NELL2: variants seen among roughly 807,000 people sequenced by gnomAD.
NELL2 encodes protein kinase C-binding protein NELL2.
Under a neutral mutation model 109.6 loss-of-function variants are expected in NELL2, and 41 were observed. The ratio of observed to expected loss-of-function variants is 0.37; its 90% confidence interval spans 0.29 to 0.49. The LOEUF is 0.49. NELL2 is among the 20% of genes least tolerant of loss of function. The probability of loss-of-function intolerance (pLI) is 0.98; values close to 1 mark genes in which losing one functional copy is unlikely to be tolerated. For synonymous variants in NELL2, 355 were observed against 344.7 expected (o/e 1.03, Z -0.33); for missense variants, 900 against 1,008.3 (o/e 0.89, Z 1.45).
chr12:44,595,248 G>T (rs1215979057), intron 15 of NELL2, among the ~76,000 whole-genome samples: 1 of 152,070 alleles, frequency 6.6e-6, no homozygotes, highest in Admixed American at 6.5e-5. Flanking sequence ...ACAAAGTCAA[G>T]GTTTATTTTA....
At chr12:44,875,507 C>A in intron 1 of NELL2, 154 bp from the exon 2 acceptor site, 1 of 1,614,018 alleles carries the variant, frequency 6.2e-7, no homozygotes, top group Non-Finnish European at 8.5e-7. Flanking sequence ...AGAGCCTTAC[C>A]TGAGATCAGC....
chr12:44,684,479 T>C (rs865929796), intron 12 of NELL2, among the ~76,000 whole-genome samples: 6 of 152,204 alleles, frequency 3.9e-5, no homozygotes, highest in Non-Finnish European at 5.9e-5. Flanking sequence ...GTGTTTGCTC[T>C]TGCTTTTCTA....
chr12:44,691,345 C>T (rs895196538), intron 12 of NELL2, among the ~76,000 whole-genome samples: 15 of 152,208 alleles, frequency 9.9e-5, no homozygotes, highest in African/African-American at 2.6e-4. Flanking sequence ...TTTTACTATT[C>T]GAATTCTCCT....
Position 44,617,462 on chromosome 12 carries a change from C to T in NELL2, c.1445-6492G>A, listed in dbSNP as rs1041885656. On this transcript the variant is annotated intron_variant, in intron 13 of 19. Transcript: ENST00000429094. ...CAGCACTTTGGGAGGCCGAGGCGGG[C>T]GGATCACGAGGTCAGGAGATCGAGA... Among the ~76,000 whole-genome samples, 5 of 105,860 alleles carry T rather than the reference C, an allele frequency of 4.7e-5. 1 individual carries two copies. Among genetic ancestry groups the T allele is most frequent in the African/African-American group, 1.9e-4 (3 of 15,972 alleles). The allele number at this position is 105,860 out of a possible 152,430, so 69.4% of individuals were successfully genotyped here.
chr12:44,741,587 A>C (rs1022050676), intron 9 of NELL2, among the ~76,000 whole-genome samples: 2 of 152,192 alleles, frequency 1.3e-5, no homozygotes, highest in African/African-American at 4.8e-5. Flanking sequence ...CACCTGGAAA[A>C]TTGGGTCACT....
chr12:44,726,999 A>C (rs1487723130), intron 9 of NELL2, among the ~76,000 whole-genome samples: 1 of 152,114 alleles, frequency 6.6e-6, no homozygotes, highest in African/African-American at 2.4e-5. Flanking sequence ...AATGTTTGTC[A>C]AATCACCTGG....
chr12:44,604,406 A>G (rs1220629157), intron 15 of NELL2, among the ~76,000 whole-genome samples: 1 of 152,206 alleles, frequency 6.6e-6, no homozygotes, highest in Non-Finnish European at 1.5e-5. Flanking sequence ...CATATCTGCC[A>G]TATGATAGTA....
At chr12:44,557,371 G>C (rs1943294596) in intron 15 of NELL2, among the ~76,000 whole-genome samples, 1 of 152,164 alleles carries the variant, frequency 6.6e-6, no homozygotes, top group African/African-American at 2.4e-5. Flanking sequence ...TATCAGTTAA[G>C]GGTAGAGACG....
chr12:44,778,500 A>G (rs886275063), intron 5 of NELL2, among the ~76,000 whole-genome samples: 1 of 152,082 alleles, frequency 6.6e-6, no homozygotes, highest in Non-Finnish European at 1.5e-5. Flanking sequence ...AAAGAGAATG[A>G]CCCCCAGAGT....
chr12:44,854,506 A>C (rs1392552704), intron 2 of NELL2, among the ~76,000 whole-genome samples: 4 of 152,224 alleles, frequency 2.6e-5, no homozygotes, highest in Non-Finnish European at 4.4e-5. Context: ...GTTAACTAAA[A>C]GGAAGGACGA....
rs12230826 is a variant in NELL2, at chr12:44,919,360, C to A, written c.-32+2430G>T. 5.5e-3 allele frequency among the ~76,000 whole-genome samples: 836 copies of A among 151,920 alleles called. 29 individuals are homozygous for A. In the East Asian group the frequency reaches 0.11, roughly 21 times the overall value. On this transcript the variant is annotated intron_variant, in intron 1 of 9. Coordinates refer to the NELL2 transcript ENST00000552993. ...AAAATAATATTAATATAATGCAAAC[C>A]TACATAAATACCCAATAACCGTATG...
At chr12:44,886,084 TAAGGAAGGAAGGAAGGAAGGAAGGAAGG>T (rs60040149) in intron 1 of NELL2, among the ~76,000 whole-genome samples, 33 of 115,732 alleles carry the variant, frequency 2.9e-4, no homozygotes, top group Admixed American at 6.1e-4. Flanking sequence ...ATCCATATAG[TAAGGAAGGAAGGAAGGAAGGAAGGAAGG>T]AAGGAAGGAA....
At chr12:44,552,176 T>C (rs1211722314) in intron 15 of NELL2, among the ~76,000 whole-genome samples, 2 of 152,214 alleles carry the variant, frequency 1.3e-5, no homozygotes, top group East Asian at 3.9e-4. Flanking sequence ...GCTCATTGCA[T>C]GTAATTTAAT....
intron 15 of NELL2, among the ~76,000 whole-genome samples, chr12:44,575,421 G>A (rs1944037633): frequency 6.6e-6 from 1 of 152,218 alleles, no homozygotes; most frequent in African/African-American, 2.4e-5. Context: ...TACACTTCTT[G>A]ATTTGCTGTA....
At chr12:44,692,139 G>A (rs1464572856) in intron 12 of NELL2, among the ~76,000 whole-genome samples, 1 of 152,150 alleles carries the variant, frequency 6.6e-6, no homozygotes, top group African/African-American at 2.4e-5. Flanking sequence ...AGGAGAGGTT[G>A]ACTCTCTTGT....
At chr12:44,610,820 A>T (rs761547505) in intron 14 of NELL2, 28 bp downstream of exon 14, 1 of 1,612,422 alleles carries the variant, frequency 6.2e-7, no homozygotes, top group Non-Finnish European at 8.5e-7. Context: ...TACATAATGG[A>T]AGAGGCACTG....
At chr12:44,624,996 G>GTATATATA (rs3072882) in intron 13 of NELL2, among the ~76,000 whole-genome samples, 58 of 71,096 alleles carry the variant, frequency 8.2e-4, no homozygotes, top group East Asian at 3.6e-3. Flanking sequence ...ATATGTGTGT[G>GTATATATA]TATATATATA....
intron 1 of NELL2, among the ~76,000 whole-genome samples, chr12:44,896,071 C>A (rs1429765886): frequency 6.6e-6 from 1 of 152,042 alleles, no homozygotes; most frequent in Non-Finnish European, 1.5e-5. Context: ...CCATGTAGGT[C>A]AAAGTAATTA....
At chr12:44,761,651 G>A (rs1345765968) in intron 9 of NELL2, among the ~76,000 whole-genome samples, 2 of 152,126 alleles carry the variant, frequency 1.3e-5, no homozygotes, top group African/African-American at 4.8e-5. Flanking sequence ...GTAATGACTG[G>A]ATAAAGAAAG....
Sources: allele counts gnomAD v4.1 joint callset (sites outside exome capture counted in the v4.1 genomes callset), GRCh38; gene constraint gnomAD v4.1.1; transcripts MANE v1.5; gene names NCBI Gene and HGNC (gene_info 2026-07-23, HGNC 2026-07-21).